Variants in THOC2 observed in about 807,000 individuals in gnomAD.
THOC2 encodes THO complex 2.
In THOC2, 10 loss-of-function variants were observed where a neutral mutation model predicts 128.4. The ratio of observed to expected loss-of-function variants is 0.08; its 90% CI spans 0.05 to 0.13. The LOEUF (loss-of-function observed/expected upper bound fraction) is 0.13. Among genes scored for constraint, THOC2 ranks in the 10% least tolerant of loss-of-function variants. The pLI, the probability that THOC2 is intolerant of heterozygous loss-of-function variation, is 1.00. For missense variants in THOC2, 535 were observed against 1,155.7 expected (o/e 0.46, Z 7.79); for synonymous variants, 393 against 396.9 (o/e 0.99, Z 0.12).
intron 1 of THOC2, among the ~76,000 whole-genome samples, chrX:123,719,456 G>A (rs2051590258): frequency 9.1e-6 from 1 of 110,212 alleles, no homozygotes; most frequent in African/African-American, 3.3e-5. Context: ...TAGCCTTTTC[G>A]GAGGCCAAGG....
chrX:123,714,957 A>T (rs988372582), intron 1 of THOC2, among the ~76,000 whole-genome samples: 1 of 111,218 alleles, frequency 9.0e-6, no homozygotes, highest in Admixed American at 9.6e-5. Flanking sequence ...GAAAACATAA[A>T]TACCAAAATT....
chrX:123,601,396 G>C (rs1305813836), intron 38 of THOC2, 58 bp from the exon 39 acceptor site: 1 of 106,526 alleles, frequency 9.4e-6, no homozygotes, highest in South Asian at 4.4e-4. Flanking sequence ...AAGGAAAGGA[G>C]GGAGTAGGGG....
intron 1 of THOC2, among the ~76,000 whole-genome samples, chrX:123,723,061 C>T (rs1223218940): frequency 9.0e-6 from 1 of 110,575 alleles, no homozygotes; most frequent in African/African-American, 3.3e-5. Context: ...CACCTGTAAT[C>T]CCAGCTACTC....
intron 18 of THOC2, 56 bp downstream of exon 18, chrX:123,637,987 A>G: frequency 4.6e-6 from 4 of 878,377 alleles, no homozygotes; most frequent in Non-Finnish European, 6.5e-6. Flanking sequence ...TAAAATGCAT[A>G]ACATGGCAGT....
chrX:123,649,903 C>T lies in THOC2; in HGVS notation c.1387-4528G>A, dbSNP rs1455487280. On this transcript the variant is annotated intron_variant, in intron 12 of 38. Transcript: ENST00000245838. ...CTCTTCAGGGTATTATCCAGGAAAA[C>T]TTCTCCAATCTAGCAAGACAGGCCA... is the stretch of plus-strand genomic sequence containing the variant. Among the ~76,000 whole-genome samples the T allele has an allele frequency of 2.7e-5, 3 of 111,620 alleles. No individual in the cohort carries two copies. In the Admixed American group the frequency reaches 2.9e-4, roughly 11 times the overall value.
chrX:123,725,637 A>C (rs1603346644), intron 1 of THOC2, among the ~76,000 whole-genome samples: 1 of 106,309 alleles, frequency 9.4e-6, no homozygotes, highest in South Asian at 4.2e-4. Context: ...AAAAAAAAAA[A>C]ACCACGATTA....
chrX:123,720,600 T>C (rs1036920618), intron 1 of THOC2, among the ~76,000 whole-genome samples: 1 of 111,942 alleles, frequency 8.9e-6, no homozygotes, highest in African/African-American at 3.2e-5. Context: ...CGCACAGAGA[T>C]AGCTGCACTC....
At chrX:123,677,714 C>A (rs2147840893) in intron 8 of THOC2, among the ~76,000 whole-genome samples, 1 of 108,672 alleles carries the variant, frequency 9.2e-6, no homozygotes, top group African/African-American at 3.3e-5. Context: ...ACTAAAAATA[C>A]AAAAAATTAG....
intron 12 of THOC2, among the ~76,000 whole-genome samples, chrX:123,654,334 C>T (rs2048480963): frequency 9.2e-6 from 1 of 109,055 alleles, no homozygotes; most frequent in African/African-American, 3.3e-5. Context: ...CAGCAAACCA[C>T]CATGGCACGT....
intron 15 of THOC2, among the ~76,000 whole-genome samples, chrX:123,641,306 C>T (rs2047903385): frequency 9.0e-6 from 1 of 111,670 alleles, no homozygotes; most frequent in Non-Finnish European, 1.9e-5. Context: ...AATCTAGAGA[C>T]TTCAAAAGGC....
At chrX:123,630,612 C>CAA (rs57639724) in intron 22 of THOC2, among the ~76,000 whole-genome samples, 470 of 15,991 alleles carry the variant, frequency 0.029, 43 homozygotes, top group East Asian at 0.079. Context: ...GACTCCATCT[C>CAA]AAAAAAAAAA....
chrX:123,709,583 ACT>A (rs945796496), intron 2 of THOC2, among the ~76,000 whole-genome samples: 13 of 110,186 alleles, frequency 1.2e-4, no homozygotes, highest in African/African-American at 4.3e-4. Context: ...AGAGCGGGAG[ACT>A]CTGTCTCAAA....
At chrX:123,642,365 C>A (rs1171467745) in intron 15 of THOC2, among the ~76,000 whole-genome samples, 1 of 105,602 alleles carries the variant, frequency 9.5e-6, no homozygotes, top group African/African-American at 3.5e-5. Flanking sequence ...GCGGAGGTTG[C>A]AGTGAGCCAA....
chrX:123,706,146 T>C (rs1010073640), intron 3 of THOC2, among the ~76,000 whole-genome samples: 1 of 111,339 alleles, frequency 9.0e-6, no homozygotes, highest in Non-Finnish European at 1.9e-5. Context: ...TTTTTTTTAA[T>C]CTAGTCGATA....
rs200394791 is a variant in THOC2 at position 123,677,443 on chromosome X, CCTTAT to C, written c.769-5687_769-5683del. Among the ~76,000 whole-genome samples the C allele has an allele frequency of 1.4e-3, 156 of 111,823 alleles. 2 individuals are homozygous for C. In the East Asian group the frequency reaches 0.038, roughly 27 times the overall value. ...AAGCTTAGTTACTGTAACTTTCTTA[CCTTAT>C]AAGTTTTTTAATATTTTTTTAACTT... On this transcript the variant is annotated intron_variant, in intron 8 of 38. Transcript: ENST00000245838.
At chrX:123,634,359 C>T (rs1174331362) in intron 19 of THOC2, among the ~76,000 whole-genome samples, 3 of 111,132 alleles carry the variant, frequency 2.7e-5, no homozygotes, top group Non-Finnish European at 5.7e-5. Context: ...CACCTGGTAA[C>T]ATTTTTACTC....
intron 1 of THOC2, among the ~76,000 whole-genome samples, chrX:123,725,236 G>A (rs1229161456): frequency 1.8e-5 from 2 of 111,076 alleles, no homozygotes; most frequent in African/African-American, 3.3e-5. Context: ...CTACTTCCCT[G>A]GAGAACTAGA....
At chrX:123,679,476 C>T (rs1174889032) in intron 8 of THOC2, among the ~76,000 whole-genome samples, 2 of 111,347 alleles carry the variant, frequency 1.8e-5, no homozygotes, top group Non-Finnish European at 3.8e-5. Context: ...TGCCCCAAGC[C>T]TTAGTCCTTG....
intron 25 of THOC2, among the ~76,000 whole-genome samples, 190 bp downstream of exon 25, chrX:123,625,722 A>G (rs2047246565): frequency 8.9e-6 from 1 of 111,735 alleles, no homozygotes; most frequent in African/African-American, 3.3e-5. Context: ...CAGATAAGAA[A>G]ACAGGCACAG....
Sources: gnomAD v4.1 joint callset for allele counts (sites outside exome capture counted in the v4.1 genomes callset) on GRCh38, gnomAD v4.1.1 for gene constraint, MANE v1.5 for transcripts, NCBI Gene and HGNC (gene_info 2026-07-23, HGNC 2026-07-21) for gene names.